The following GRK2 variants were observed in gnomAD, a reference collection of about 807,000 sequenced individuals.
GRK2 encodes adrenergic beta receptor kinase 1.
Under a neutral mutation model 97.8 loss-of-function variants are expected in GRK2, and 23 were observed. That is an observed-to-expected ratio of 0.24 (90% CI 0.17 to 0.33). The LOEUF is 0.33. GRK2 is among the 10% of genes least tolerant of loss of function. The probability of loss-of-function intolerance (pLI) is 1.00; values close to 1 mark genes in which losing one functional copy is unlikely to be tolerated. For synonymous variants in GRK2, 425 were observed against 381.7 expected (o/e 1.11, Z -1.32); for missense variants, 633 against 956.9 (o/e 0.66, Z 4.47).
At chr11:67,280,275 C>T in intron 6 of GRK2, 1 of 383,272 alleles carries the variant, frequency 2.6e-6, no homozygotes, top group South Asian at 2.7e-5. Context: ...GCCCCCGTGA[C>T]CCTCACAGCC....
At chr11:67,268,053 G>A (rs1044712775) in intron 1 of GRK2, among the ~76,000 whole-genome samples, 3 of 152,236 alleles carry the variant, frequency 2.0e-5, no homozygotes, top group Non-Finnish European at 4.4e-5. Context: ...CAGCGGGCTG[G>A]GGATGGGGCC....
intron 1 of GRK2, among the ~76,000 whole-genome samples, chr11:67,274,839 C>T (rs547583630): frequency 9.2e-5 from 14 of 152,306 alleles, no homozygotes; most frequent in African/African-American, 2.9e-4. Context: ...CATGAGCTGG[C>T]GTGTGGCCCG....
At chr11:67,280,122 A>G (rs1860117675) in intron 6 of GRK2, 4 of 580,916 alleles carry the variant, frequency 6.9e-6, no homozygotes, top group African/African-American at 1.9e-5. Flanking sequence ...AGCCCATCCC[A>G]GGCAGTCTCC....
Position 67,276,887 on chromosome 11 carries a change from T to C in GRK2, c.114-385T>C, listed in dbSNP as rs1021620384. 5.6e-4 allele frequency: 95 copies of C among 169,956 alleles called. No homozygotes were observed. Among genetic ancestry groups the C allele is most frequent in the Non-Finnish European group, 6.6e-4 (52 of 78,246 alleles). 10.5% of individuals were successfully genotyped at this position (169,956 alleles called of 1,614,324 possible). A position where few individuals can be genotyped will look rare whatever the true frequency, so the allele number is the denominator to read the frequency against. The stretch of plus-strand genomic sequence containing the variant: ...CTTGTTCCTTTTTACAGCCGAGCCA[T>C]GTGCTGCTGCGTGGAGATGCCACAT... On this transcript the variant is annotated intron_variant, in intron 1 of 20. Coordinates refer to ENST00000308595, the MANE Select transcript of GRK2 (RefSeq NM_001619.5). This position sits in a 1 kb window ranked among gnomAD's most constrained non-coding sequence, Gnocchi z 4.2.
chr11:67,274,524 C>CTTTTTTTTTTTTTTTTTT (rs1590848179), intron 1 of GRK2, among the ~76,000 whole-genome samples: 619 of 54,910 alleles, frequency 0.011, no homozygotes, highest in Middle Eastern at 0.034. Flanking sequence ...TTTTTTTTTG[C>CTTTTTTTTTTTTTTTTTT]TTTTTTTCAT....
chr11:67,280,085 T>G, intron 6 of GRK2, 185 bp downstream of exon 6: 1 of 631,534 alleles, frequency 1.6e-6, no homozygotes. Context: ...TCTCCCACCC[T>G]GCCCTCCTCA....
chr11:67,285,197 G>C lies in GRK2; in HGVS notation c.1905+9G>C. 2 of 1,613,306 alleles carry C rather than the reference G, an allele frequency of 1.2e-6. No individual in the cohort carries two copies. Among genetic ancestry groups the C allele is most frequent in the Non-Finnish European group, 8.5e-7 (1 of 1,179,880 alleles). ...TCATTTTGCAGTGCGATGTGAGTGG[G>C]GGCTGAGCCAGGGATGGGAGGGCCG... is the stretch of plus-strand genomic sequence containing the variant. On this transcript the variant is annotated intron_variant, in intron 20 of 20. Coordinates refer to ENST00000308595, the MANE Select transcript of GRK2 (RefSeq NM_001619.5).
At chr11:67,284,436 G>A (rs940828104) in intron 18 of GRK2, 63 bp downstream of exon 18, 7 of 1,565,836 alleles carry the variant, frequency 4.5e-6, no homozygotes, top group Non-Finnish European at 6.1e-6. Flanking sequence ...CAGCTGGCTC[G>A]GGTTTAAGGA....
chr11:67,278,358 G>A (rs891138000), intron 2 of GRK2, among the ~76,000 whole-genome samples: 3 of 152,162 alleles, frequency 2.0e-5, no homozygotes, highest in Non-Finnish European at 4.4e-5. Context: ...AGTGCTCGGG[G>A]GCCGGGGTCC....
intron 1 of GRK2, among the ~76,000 whole-genome samples, chr11:67,271,523 T>G (rs546484307): frequency 6.6e-6 from 1 of 152,376 alleles, no homozygotes; most frequent in African/African-American, 2.4e-5. Flanking sequence ...TGGTGCATTC[T>G]AGCGTAATGC....
At chr11:67,280,837 C>G in intron 7 of GRK2, 54 bp downstream of exon 7, 3 of 1,589,918 alleles carry the variant, frequency 1.9e-6, no homozygotes, top group Non-Finnish European at 2.6e-6. Context: ...GCTCCTCTCC[C>G]GGGAGCTGGG....
chr11:67,280,114 C>A, intron 6 of GRK2: 1 of 589,218 alleles, frequency 1.7e-6, no homozygotes, highest in Non-Finnish European at 3.0e-6. Flanking sequence ...CAGCTCAAAG[C>A]CCATCCCAGG....
Position 67,269,998 on chromosome 11 carries a change from C to G in GRK2, c.113+3186C>G, listed in dbSNP as rs891738382. On this transcript the variant is annotated intron_variant, in intron 1 of 20. Transcript: ENST00000308595. The surrounding 1 kb of genome is among the most constrained non-coding windows in gnomAD (Gnocchi z 4.1). ...GGTAGCGTAAGGCAGCATTGTGTAT[C>G]TGGAAGATGGGAGGTCTGGCTTCTC... Among the ~76,000 whole-genome samples, 6 of 152,202 alleles carry G rather than the reference C, an allele frequency of 3.9e-5. No homozygotes were observed. The highest frequency in any genetic ancestry group is 1.4e-4 in the African/African-American group (6 of 41,446).
At position 67,266,836 on chromosome 11, in the gene GRK2, C is replaced by T. The variant is rs1203858992; in HGVS notation, c.113+24C>T. ...AGGTGAGGAGAAGCTGCCCGCGGCC[C>T]CGGCCCGACCCCGCGGGCGCCCCGG... On this transcript the variant is annotated intron_variant, in intron 1 of 20. Coordinates refer to ENST00000308595, the MANE Select transcript of GRK2 (RefSeq NM_001619.5). 3.5e-6 allele frequency: 4 copies of T among 1,158,500 alleles called. No homozygotes were observed. In the East Asian group the frequency reaches 1.1e-4, roughly 32 times the overall value. 71.8% of individuals were successfully genotyped at this position (1,158,500 alleles called of 1,614,324 possible).
At chr11:67,274,009 CTTTTTTTTTTT>C (rs1186824487) in intron 1 of GRK2, among the ~76,000 whole-genome samples, 1 of 126,762 alleles carries the variant, frequency 7.9e-6, no homozygotes, top group Non-Finnish European at 1.7e-5. Context: ...AAACTGGCAC[CTTTTTTTTTTT>C]TTTTTTTTTT....
At chr11:67,275,710 T>C (rs1275139494) in intron 1 of GRK2, among the ~76,000 whole-genome samples, 1 of 152,246 alleles carries the variant, frequency 6.6e-6, no homozygotes, top group Admixed American at 6.5e-5. Context: ...CTGGACATAC[T>C]GTCCCCTGCC....
Position 67,283,092 on chromosome 11 carries a change from C to CCTAAG in GRK2, c.1228-34_1228-30dup, listed in dbSNP as rs561679409. 231 of 1,597,656 alleles carry CCTAAG rather than the reference C, an allele frequency of 1.4e-4. 2 individuals are homozygous for CCTAAG. The Middle Eastern group carries it at 2.3e-3, about 16-fold the overall frequency. On this transcript the variant is annotated intron_variant, in intron 14 of 20. Coordinates refer to ENST00000308595, the MANE Select transcript of GRK2 (RefSeq NM_001619.5). ...AGCTGGGATGGGGTCAAGGGCTCTTCCTAAGCCCCTGCTAATGTCCCACTC... is the reference window on the plus strand; with the variant it reads ...AGCTGGGATGGGGTCAAGGGCTCTTCCTAAGCTAAGCCCCTGCTAATGTCCCACTC...
chr11:67,280,653 G>A (rs1860127956), intron 6 of GRK2, 79 bp from the exon 7 acceptor site: 18 of 1,526,306 alleles, frequency 1.2e-5, no homozygotes, highest in East Asian at 2.3e-5. Context: ...AGGGAGTGGC[G>A]GCTGGGTGGG....
chr11:67,283,145 C>T lies in GRK2; in HGVS notation c.1245C>T (p.Asp415=), dbSNP rs1860191097. Residue 415 remains aspartate, a synonymous_variant, in exon 15 of 21, where the codon GAC becomes GAT. Coordinates refer to ENST00000308595, the MANE Select transcript of GRK2 (RefSeq NM_001619.5). ...MTLTMAVELP[D]SFSPELRSLL... is the part of the protein sequence containing the mutation. ...CTCTAAAGGCCGTGGAGCTGCCCGACTCCTTCTCCCCTGAACTACGCTCCC... is the reference window on the plus strand; with the variant it reads ...CTCTAAAGGCCGTGGAGCTGCCCGATTCCTTCTCCCCTGAACTACGCTCCC... The T allele has an allele frequency of 1.9e-6, 3 of 1,613,994 alleles. No individual in the cohort carries two copies. The highest frequency in any genetic ancestry group is 1.1e-5 in the South Asian group (1 of 91,086).
Sources: gnomAD v4.1 joint callset for allele counts (sites outside exome capture counted in the v4.1 genomes callset) on GRCh38, gnomAD v4.1.1 for gene constraint, Gnocchi (gnomAD v3.1) non-coding constraint, MANE v1.5 for transcripts, NCBI Gene and HGNC (gene_info 2026-07-23, HGNC 2026-07-21) for gene names.